TOGARAM2: variants seen among roughly 807,000 people sequenced by gnomAD.
TOGARAM2 encodes the protein TOG array regulator of axonemal microtubules 2, also known as TOG array regulator of axonemal microtubules protein 2.
A neutral mutation model predicts 93.3 loss-of-function variants in TOGARAM2; 85 were observed. That is an observed-to-expected ratio of 0.91 (90% confidence interval 0.76 to 1.09). The LOEUF (loss-of-function observed/expected upper bound fraction) is 1.09. Among genes scored for constraint, TOGARAM2 ranks in the 50% least tolerant of loss-of-function variants. The pLI, the probability that TOGARAM2 is intolerant of heterozygous loss-of-function variation, is 0.00. For missense variants in TOGARAM2, 1,277 were observed against 1,334.5 expected, an observed-to-expected ratio of 0.96 and a Z score of 0.67; for synonymous variants, 593 against 552.8, an observed-to-expected ratio of 1.07 and a Z score of -1.02.
intron 2 of TOGARAM2, among the ~76,000 whole-genome samples, chr2:28,995,960 G>A (rs1008958149): frequency 2.0e-5 from 3 of 152,216 alleles, no homozygotes; most frequent in Non-Finnish European, 4.4e-5. Flanking sequence ...CTTAGCAGCA[G>A]GTACAGTACT....
intron 2 of TOGARAM2, among the ~76,000 whole-genome samples, chr2:28,995,565 G>A (rs1330969777): frequency 1.4e-4 from 22 of 152,258 alleles, no homozygotes; most frequent in Admixed American, 1.4e-3. Flanking sequence ...TTACTTTAGT[G>A]CTAAAGCAGA....
At chr2:28,964,392 A>T (rs1671839174) in intron 1 of TOGARAM2, among the ~76,000 whole-genome samples, 1 of 149,472 alleles carries the variant, frequency 6.7e-6, no homozygotes, top group Admixed American at 6.7e-5. Flanking sequence ...TGTATGATGT[A>T]TCTCTTTTTT....
In TOGARAM2 at chr2:29,033,015, C is replaced by G; in HGVS notation, c.2094C>G (p.Tyr698Ter). 1.2e-6 allele frequency: 2 copies of G among 1,613,792 alleles called. No individual in the cohort carries two copies. Among genetic ancestry groups the G allele is most frequent in the Non-Finnish European group, 1.7e-6 (2 of 1,179,846 alleles). Residue 698 changes from tyrosine to a stop codon, truncating the protein, a stop_gained, in exon 15 of 20, where the codon TAC becomes TAG. Coordinates refer to ENST00000379558, the MANE Select transcript of TOGARAM2 (RefSeq NM_199280.4). LOFTEE classifies it high-confidence loss of function. ...TTCTGAAGCAATCTCTCCCATCTTA[C>G]GACTTGCAGAAGGTCATGGCGGCCA... is the stretch of plus-strand genomic sequence containing the variant. The part of the protein sequence containing the change: ...DAFLKQSLPS[Y>*]DLQKVMAAIK...
At chr2:29,047,686 T>C (rs187903603) in intron 19 of TOGARAM2, 2 of 152,376 alleles carry the variant, frequency 1.3e-5, no homozygotes, top group East Asian at 3.9e-4. Context: ...GGAATGTGGC[T>C]CTGAAGTAGC....
chr2:28,976,145 T>C (rs1317177731), intron 1 of TOGARAM2, among the ~76,000 whole-genome samples: 5 of 152,152 alleles, frequency 3.3e-5, no homozygotes, highest in South Asian at 2.1e-4. Context: ...CCGAGGTGGA[T>C]GGATCACGAG....
intron 1 of TOGARAM2, among the ~76,000 whole-genome samples, chr2:28,988,365 G>A (rs4666159): frequency 0.19 from 28,776 of 151,986 alleles, 3,062 homozygotes; most frequent in African/African-American, 0.27. Flanking sequence ...TATCAAGGCC[G>A]TTCTACGTGC....
chr2:28,992,093 G>T (rs1672761121), intron 1 of TOGARAM2, among the ~76,000 whole-genome samples: 3 of 152,134 alleles, frequency 2.0e-5, no homozygotes, highest in Admixed American at 2.0e-4. Flanking sequence ...GGTGTGATGG[G>T]GCCTCGGTGA....
At chr2:28,961,596 C>T (rs1418427242) in intron 1 of TOGARAM2, among the ~76,000 whole-genome samples, 1 of 152,178 alleles carries the variant, frequency 6.6e-6, no homozygotes, top group Non-Finnish European at 1.5e-5. Flanking sequence ...CCGCCTTGGC[C>T]TCCCAAAGTG....
chr2:28,960,830 C>T (rs1404362961), intron 1 of TOGARAM2, among the ~76,000 whole-genome samples: 2 of 152,152 alleles, frequency 1.3e-5, no homozygotes, highest in Non-Finnish European at 2.9e-5. Flanking sequence ...GGCTGAGTGA[C>T]AGAATTGTTA....
intron 8 of TOGARAM2, among the ~76,000 whole-genome samples, chr2:29,016,058 C>T (rs1468211694): frequency 6.6e-6 from 1 of 152,162 alleles, no homozygotes; most frequent in South Asian, 2.1e-4. Context: ...CCTAATTATA[C>T]TTCCAACTGA....
intron 9 of TOGARAM2, 27 bp downstream of exon 9, chr2:29,017,331 C>T (rs775580881): frequency 1.9e-6 from 3 of 1,565,712 alleles, no homozygotes; most frequent in Non-Finnish European, 2.6e-6. Context: ...GTGGGATTTG[C>T]TCAGGCCTGG....
rs771852665 is a variant in TOGARAM2 at position 28,999,273 on chromosome 2, G to C, written c.232G>C (p.Asp78His). 5.6e-6 allele frequency: 9 copies of C among 1,606,740 alleles called. No homozygotes were observed. The highest frequency in any genetic ancestry group is 1.7e-5 in the Admixed American group (1 of 59,866). ...CGGACAGCTGGGTGGCCTCAAGCTG[G>C]ACACCCCTTCCAAGGGCTGGCAGGC... is the stretch of plus-strand genomic sequence containing the variant. ...GLGQLGGLKL[D>H]TPSKGWQARN... Residue 78 changes from aspartate (D) to histidine (H), a missense_variant, in exon 4 of 20, where the codon GAC (aspartate) becomes CAC (histidine). Transcript: ENST00000379558.
chr2:28,983,211 T>A (rs1398453210), intron 1 of TOGARAM2, among the ~76,000 whole-genome samples: 2,830 of 102,152 alleles, frequency 0.028, 46 homozygotes, highest in South Asian at 0.04. Context: ...TTTTTTTTTT[T>A]TTTTTTTTTT....
At chr2:28,977,861 C>A (rs11127197), upstream of TOGARAM2, among the ~76,000 whole-genome samples, 5 of 151,482 alleles carry the variant, frequency 3.3e-5, no homozygotes, top group Non-Finnish European at 5.9e-5. Context: ...CTTGGGAGCA[C>A]GTGGGTGGGA....
At chr2:29,028,662 T>C (rs531829269) in intron 14 of TOGARAM2, among the ~76,000 whole-genome samples, 1 of 149,190 alleles carries the variant, frequency 6.7e-6, no homozygotes, top group Non-Finnish European at 1.5e-5. Flanking sequence ...GGACTGGTAG[T>C]GAGAGAGAAA....
In TOGARAM2 at chr2:29,024,271, A is replaced by T. The variant is rs1482525706; in HGVS notation, c.1750A>T (p.Thr584Ser). 1 of 1,613,082 alleles carries T rather than the reference A, an allele frequency of 6.2e-7. No homozygotes were observed. Among genetic ancestry groups the T allele is most frequent in the Non-Finnish European group, 8.5e-7 (1 of 1,179,582 alleles). ...CTGCTTGCTGCAGAAGATGGCGGAC[A>T]CCAACGAGTTCATCCAGAGAGCAGC... Reference protein sequence around the residue: ...ARCLLQKMADTNEFIQRAAGQ... With the variant: ...ARCLLQKMADSNEFIQRAAGQ... Residue 584 changes from threonine to serine, a missense_variant, in exon 13 of 20, where the codon ACC becomes TCC. Thr to Ser is a moderately conservative substitution (Grantham distance 58, BLOSUM62 1). Transcript: ENST00000379558.
chr2:28,991,239 G>A (rs1007882377), intron 1 of TOGARAM2, among the ~76,000 whole-genome samples: 2 of 152,092 alleles, frequency 1.3e-5, no homozygotes, highest in East Asian at 1.9e-4. Flanking sequence ...AAGAGGGCCC[G>A]GGGCAGGATT....
intron 8 of TOGARAM2, among the ~76,000 whole-genome samples, chr2:29,016,352 G>A (rs1164048405): frequency 6.6e-6 from 1 of 152,074 alleles, no homozygotes; most frequent in Admixed American, 6.5e-5. Context: ...CCTGCTTCCA[G>A]TGTGAGGCTA....
At chr2:28,997,574 T>G (rs1346428445) in intron 2 of TOGARAM2, among the ~76,000 whole-genome samples, 1 of 152,220 alleles carries the variant, frequency 6.6e-6, no homozygotes, top group Non-Finnish European at 1.5e-5. Flanking sequence ...GGGTGTCTTT[T>G]GCTGAGCCGA....
Sources: allele counts gnomAD v4.1 joint callset (sites outside exome capture counted in the v4.1 genomes callset), GRCh38; gene constraint gnomAD v4.1.1; transcripts MANE v1.5; gene names NCBI Gene and HGNC (gene_info 2026-07-23, HGNC 2026-07-21).